The following ZFYVE9 variants were observed in gnomAD, a reference collection of about 807,000 sequenced individuals.
The protein encoded by ZFYVE9 is zinc finger FYVE-type containing 9, also known as zinc finger FYVE domain-containing protein 9.
Under a neutral mutation model 126.7 loss-of-function variants are expected in ZFYVE9, and 43 were observed. That is an observed-to-expected ratio of 0.34 (90% confidence interval 0.27 to 0.44). The LOEUF is 0.44. Ranked by LOEUF, ZFYVE9 falls within the 20% of genes least tolerant of loss-of-function variation. ZFYVE9 has a pLI of 1.00. For missense variants in ZFYVE9, 1,476 were observed against 1,697.0 expected (o/e 0.87, Z 2.29); for synonymous variants, 521 against 597.4 (o/e 0.87, Z 1.87).
At position 52,237,785 on chromosome 1, in the gene ZFYVE9, A is replaced by G. The variant is rs1384367327; in HGVS notation, c.368A>G (p.Asp123Gly). 2 of 1,614,018 alleles carry G rather than the reference A, an allele frequency of 1.2e-6. No homozygotes were observed. The highest frequency in any genetic ancestry group is 8.5e-7 in the Non-Finnish European group (1 of 1,180,000). Residue 123 changes from aspartate (D) to glycine (G), a missense_variant, in exon 4 of 19, where the codon GAT becomes GGT. By Grantham distance (94) the Asp-to-Gly change is moderately conservative. Coordinates refer to ENST00000287727, the MANE Select transcript of ZFYVE9 (RefSeq NM_004799.4). ...DQLIKRNYSW[D>G]DQCSAVEVGE... ...TTAATTAAGAGAAACTATAGTTGGG[A>G]TGATCAATGCAGTGCTGTTGAAGTG...
At chr1:52,315,820 C>T (rs1646177906) in intron 13 of ZFYVE9, among the ~76,000 whole-genome samples, 1 of 152,138 alleles carries the variant, frequency 6.6e-6, no homozygotes, top group Non-Finnish European at 1.5e-5. Flanking sequence ...GATTGTGAGA[C>T]TGAATAAGGA....
At position 52,185,897 on chromosome 1, in the gene ZFYVE9, G is replaced by GGACA. The variant is rs533144785; in HGVS notation, c.-142-30469_-142-30466dup. 3.1e-3 allele frequency among the ~76,000 whole-genome samples: 458 copies of GGACA among 148,060 alleles called. 1 individual carries two copies. The highest frequency in any genetic ancestry group is 0.011 in the African/African-American group (433 of 39,816). On this transcript the variant is annotated intron_variant, in intron 1 of 18. Coordinates refer to ENST00000287727, the MANE Select transcript of ZFYVE9 (RefSeq NM_004799.4). ...ATTGCGCCACTGCACTCCAGCCTGG[G>GGACA]GACAGAGTGAGACTCCGTCTCAAAA... is the stretch of plus-strand genomic sequence containing the variant.
intron 1 of ZFYVE9, among the ~76,000 whole-genome samples, chr1:52,204,331 G>A (rs1644953113): frequency 6.6e-6 from 1 of 152,138 alleles, no homozygotes; most frequent in Admixed American, 6.5e-5. Context: ...AGAATGGGCT[G>A]GAGCTGGGTG....
At chr1:52,149,263 G>A (rs1422945177) in intron 1 of ZFYVE9, among the ~76,000 whole-genome samples, 3 of 151,464 alleles carry the variant, frequency 2.0e-5, no homozygotes, top group Non-Finnish European at 4.4e-5. Flanking sequence ...TAACTGGTTT[G>A]AAAAAAAACT....
At chr1:52,170,177 A>T (rs1206148294) in intron 1 of ZFYVE9, among the ~76,000 whole-genome samples, 1 of 152,214 alleles carries the variant, frequency 6.6e-6, no homozygotes, top group Non-Finnish European at 1.5e-5. Flanking sequence ...ATTTATGAAC[A>T]TACTAATATT....
chr1:52,264,197 C>T (rs1335859155), intron 5 of ZFYVE9: 2 of 175,908 alleles, frequency 1.1e-5, no homozygotes, highest in Non-Finnish European at 2.4e-5. Context: ...CTTTTGATCA[C>T]CAGATGATAA....
intron 1 of ZFYVE9, among the ~76,000 whole-genome samples, chr1:52,202,373 A>G (rs1644931444): frequency 6.6e-6 from 1 of 151,872 alleles, no homozygotes. Context: ...TCCACCTCCC[A>G]GGCTCAAATG....
chr1:52,176,899 C>T (rs1380755916), intron 1 of ZFYVE9, among the ~76,000 whole-genome samples: 4 of 152,164 alleles, frequency 2.6e-5, no homozygotes, highest in Non-Finnish European at 5.9e-5. Flanking sequence ...GTCTGTCACC[C>T]CTTTCCTTGA....
chr1:52,343,267 GA>G (rs922261266), intron 17 of ZFYVE9, among the ~76,000 whole-genome samples: 1 of 151,832 alleles, frequency 6.6e-6, no homozygotes, highest in African/African-American at 2.4e-5. Flanking sequence ...CCAGCATGGT[GA>G]AACCCCATCT....
Position 52,216,277 on chromosome 1 carries a change from G to A in ZFYVE9, c.-142-92G>A, listed in dbSNP as rs530909503. ...TTTTATCTACTGTTTCAGCCCTATT[G>A]CTTTCATTTGTCTGGCTATGGTAGA... On this transcript the variant is annotated intron_variant, in intron 1 of 18. Coordinates refer to ENST00000287727, the MANE Select transcript of ZFYVE9 (RefSeq NM_004799.4). 42 of 397,046 alleles carry A rather than the reference G, an allele frequency of 1.1e-4. No individual in the cohort carries two copies. In the South Asian group the frequency reaches 4.6e-3, roughly 44 times the overall value. The allele number at this position is 397,046 out of a possible 1,614,324, so 24.6% of individuals were successfully genotyped here. A position where few individuals can be genotyped will look rare whatever the true frequency, so the allele number is the denominator to read the frequency against.
intron 12 of ZFYVE9, among the ~76,000 whole-genome samples, chr1:52,299,369 C>G (rs1331166783): frequency 1.3e-5 from 2 of 152,150 alleles, no homozygotes; most frequent in Non-Finnish European, 2.9e-5. Context: ...CAAACAAGCA[C>G]AATTTGACTT....
At chr1:52,328,305 G>T (rs749328794) in intron 13 of ZFYVE9, among the ~76,000 whole-genome samples, 2 of 152,160 alleles carry the variant, frequency 1.3e-5, no homozygotes, top group Non-Finnish European at 2.9e-5. Context: ...GTGAAAATAG[G>T]TATAGATACA....
chr1:52,252,549 C>T lies in ZFYVE9; in HGVS notation c.2179-11224C>T, dbSNP rs139449603. 984 of 178,792 alleles carry T rather than the reference C, an allele frequency of 5.5e-3. 9 individuals carry two copies. Among genetic ancestry groups the T allele is most frequent in the African/African-American group, 0.022 (903 of 41,852 alleles). The allele number at this position is 178,792 out of a possible 1,614,324, so 11.1% of individuals were successfully genotyped here. On this transcript the variant is annotated intron_variant, in intron 4 of 18. Transcript: ENST00000287727. ...TAATTTTTTGTATTTTTAGTACAGACGAGTTTTACTGTGTTAGCCAGGGTG... is the reference window on the plus strand; with the variant it reads ...TAATTTTTTGTATTTTTAGTACAGATGAGTTTTACTGTGTTAGCCAGGGTG...
intron 13 of ZFYVE9, among the ~76,000 whole-genome samples, chr1:52,308,560 T>C (rs1646107893): frequency 6.6e-6 from 1 of 152,026 alleles, no homozygotes; most frequent in South Asian, 2.1e-4. Context: ...ATACTCATAG[T>C]CTTTCTTATT....
chr1:52,146,025 A>AT (rs1644303534), intron 1 of ZFYVE9, among the ~76,000 whole-genome samples: 1 of 82,718 alleles, frequency 1.2e-5, no homozygotes, highest in Admixed American at 1.6e-4. Context: ...GCTCAAAAAT[A>AT]TCCACACACA....
intron 8 of ZFYVE9, 128 bp from the exon 9 acceptor site, chr1:52,278,364 C>G (rs1381174588): frequency 1.7e-6 from 2 of 1,205,292 alleles, no homozygotes; most frequent in Admixed American, 1.9e-5. Flanking sequence ...AAACCATGCT[C>G]TGTATGCACC....
chr1:52,339,161 A>G (rs893649450), intron 16 of ZFYVE9, among the ~76,000 whole-genome samples: 1 of 152,244 alleles, frequency 6.6e-6, no homozygotes, highest in Admixed American at 6.5e-5. Context: ...GGAAATGACT[A>G]TCAGAAGTGG....
At chr1:52,315,547 G>A (rs1281520424) in intron 13 of ZFYVE9, among the ~76,000 whole-genome samples, 1 of 149,496 alleles carries the variant, frequency 6.7e-6, no homozygotes, top group Non-Finnish European at 1.5e-5. Context: ...TATATGACAT[G>A]TGATGTGGTA....
At chr1:52,332,730 C>T in intron 13 of ZFYVE9, 38 bp from the exon 14 acceptor site, 1 of 1,594,050 alleles carries the variant, frequency 6.3e-7, no homozygotes, top group Non-Finnish European at 8.5e-7. Context: ...AGAAAAATGC[C>T]CATTCTTGTC....
Sources: gnomAD v4.1 joint callset for allele counts (sites outside exome capture counted in the v4.1 genomes callset) on GRCh38, gnomAD v4.1.1 for gene constraint, MANE v1.5 for transcripts, NCBI Gene and HGNC (gene_info 2026-07-23, HGNC 2026-07-21) for gene names.